The following L3MBTL3 variants were observed in gnomAD, a reference collection of about 807,000 sequenced individuals.
The protein encoded by L3MBTL3 is L3MBTL histone methyl-lysine binding protein 3.
Under a neutral mutation model 102.3 loss-of-function variants are expected in L3MBTL3, and 27 were observed. The ratio of observed to expected loss-of-function variants is 0.26; its 90% CI spans 0.19 to 0.36. The LOEUF is 0.36. Among genes scored for constraint, L3MBTL3 ranks in the 10% least tolerant of loss-of-function variants. The pLI is 1.00. For missense variants in L3MBTL3, 798 were observed against 955.3 expected, an observed-to-expected ratio of 0.84 and a Z score of 2.17; for synonymous variants, 340 against 320.9, an observed-to-expected ratio of 1.06 and a Z score of -0.64.
chr6:130,070,853 T>C (rs962980617), intron 12 of L3MBTL3, 123 bp from the exon 13 acceptor site: 3 of 494,616 alleles, frequency 6.1e-6, no homozygotes, highest in Non-Finnish European at 1.0e-5. Flanking sequence ...TGGCATATGA[T>C]TTTTAAATTA....
intron 13 of L3MBTL3, among the ~76,000 whole-genome samples, chr6:130,072,216 A>G (rs988535298): frequency 3.9e-5 from 6 of 152,160 alleles, no homozygotes; most frequent in African/African-American, 1.4e-4. Flanking sequence ...ACGTAGTATA[A>G]CTACGTAAAT....
At chr6:130,059,054 TTAGAG>T (rs139807140) in intron 9 of L3MBTL3, among the ~76,000 whole-genome samples, 12,232 of 152,096 alleles carry the variant, frequency 0.08, 1,000 homozygotes, top group East Asian at 0.44. Flanking sequence ...CTTTGGTCCT[TTAGAG>T]AAGAGACTTT....
rs761585609 is a variant in L3MBTL3, at chr6:130,051,374, T to C, written c.415T>C (p.Cys139Arg). The C allele has an allele frequency of 6.2e-7, 1 of 1,614,126 alleles. No individual in the cohort carries two copies. Among genetic ancestry groups the C allele is most frequent in the Non-Finnish European group, 8.5e-7 (1 of 1,179,956 alleles). ...VDECLSGGNY[C>R]SQNCARHIKD... ...TGAGTGTCTTTCTGGAGGAAACTAT[T>C]GCAGCCAGAATTGTGCTCGGCACAT... Residue 139 changes from cysteine to arginine, a missense_variant, in exon 6 of 23, where the codon TGC (cysteine) becomes CGC (arginine). Physicochemically the swap from Cys to Arg is radical, Grantham distance 180. Coordinates refer to ENST00000361794, the MANE Select transcript of L3MBTL3 (RefSeq NM_032438.4).
chr6:130,130,387 T>G (rs1281195532), intron 20 of L3MBTL3, among the ~76,000 whole-genome samples: 1 of 152,186 alleles, frequency 6.6e-6, no homozygotes, highest in African/African-American at 2.4e-5. Flanking sequence ...TTATATGGCA[T>G]GCACTCAGGA....
chr6:130,039,755 A>G (rs1432023946), intron 2 of L3MBTL3, among the ~76,000 whole-genome samples: 1 of 152,154 alleles, frequency 6.6e-6, no homozygotes. Flanking sequence ...AATCTCTTTA[A>G]TGTCTAATTT....
chr6:130,087,367 A>C (rs900726259), intron 16 of L3MBTL3, among the ~76,000 whole-genome samples: 4 of 152,190 alleles, frequency 2.6e-5, no homozygotes, highest in Admixed American at 2.6e-4. Flanking sequence ...GTCATAAAGC[A>C]ATCAGTATTT....
At chr6:130,122,674 TATC>T (rs1786313383) in intron 20 of L3MBTL3, among the ~76,000 whole-genome samples, 1 of 152,246 alleles carries the variant, frequency 6.6e-6, no homozygotes, top group Admixed American at 6.5e-5. Context: ...AAGGTTTTGT[TATC>T]AGGGCTATTT....
intron 20 of L3MBTL3, among the ~76,000 whole-genome samples, chr6:130,132,046 AC>A (rs1360883679): frequency 1.3e-5 from 2 of 152,346 alleles, no homozygotes; most frequent in South Asian, 2.1e-4. Flanking sequence ...AACGCCTCTG[AC>A]AAAATAATCT....
intron 19 of L3MBTL3, among the ~76,000 whole-genome samples, chr6:130,111,211 T>C (rs1351637086): frequency 6.6e-6 from 1 of 152,208 alleles, no homozygotes; most frequent in Non-Finnish European, 1.5e-5. Flanking sequence ...AGCTTAGTTG[T>C]CACGCTGGTT....
chr6:130,082,606 C>T (rs562239219), intron 14 of L3MBTL3, among the ~76,000 whole-genome samples: 3 of 152,216 alleles, frequency 2.0e-5, no homozygotes, highest in Admixed American at 2.0e-4. Context: ...TATTTTCTGG[C>T]ACAGCTAGGC....
At chr6:130,103,750 T>A (rs1784833465) in intron 18 of L3MBTL3, among the ~76,000 whole-genome samples, 1 of 152,166 alleles carries the variant, frequency 6.6e-6, no homozygotes, top group Middle Eastern at 3.2e-3. Flanking sequence ...TCAATTTCCT[T>A]TCAGGAATGA....
chr6:130,104,287 T>C (rs944495355), intron 18 of L3MBTL3, 139 bp from the exon 19 acceptor site: 9 of 523,344 alleles, frequency 1.7e-5, no homozygotes, highest in Non-Finnish European at 2.5e-5. Context: ...GTATGTATGA[T>C]TATAAAATAT....
chr6:130,032,477 A>T (rs1238143745), intron 2 of L3MBTL3, among the ~76,000 whole-genome samples: 1 of 150,072 alleles, frequency 6.7e-6, no homozygotes, highest in African/African-American at 2.4e-5. Context: ...TCACTGCCTA[A>T]TTTTTTTTTT....
intron 19 of L3MBTL3, among the ~76,000 whole-genome samples, chr6:130,113,606 C>T (rs1216041922): frequency 6.6e-6 from 1 of 152,198 alleles, no homozygotes; most frequent in Non-Finnish European, 1.5e-5. Context: ...GGCAAATGCC[C>T]ACTGCTTAAC....
chr6:130,060,245 T>TA, intron 10 of L3MBTL3, 105 bp downstream of exon 10: 1 of 653,644 alleles, frequency 1.5e-6, no homozygotes, highest in Non-Finnish European at 2.6e-6. Context: ...GCATGGTGCT[T>TA]ACTGTTTTGT....
chr6:130,101,199 T>C (rs1335166537), intron 18 of L3MBTL3, among the ~76,000 whole-genome samples: 2 of 152,106 alleles, frequency 1.3e-5, no homozygotes, highest in African/African-American at 4.8e-5. Flanking sequence ...GTTAATAAAT[T>C]TATTTTGTCA....
At chr6:130,075,445 G>A (rs1562289407) in intron 13 of L3MBTL3, among the ~76,000 whole-genome samples, 3 of 152,098 alleles carry the variant, frequency 2.0e-5, no homozygotes, top group Non-Finnish European at 4.4e-5. Flanking sequence ...GGTAATGGCA[G>A]CCAGTTTATT....
intron 19 of L3MBTL3, among the ~76,000 whole-genome samples, chr6:130,113,473 A>G (rs927300811): frequency 1.3e-5 from 2 of 152,244 alleles, no homozygotes; most frequent in African/African-American, 4.8e-5. Context: ...ATTAGGTACT[A>G]TCTCTATTAA....
At chr6:130,110,462 A>G (rs192924231) in intron 19 of L3MBTL3, among the ~76,000 whole-genome samples, 70 of 152,318 alleles carry the variant, frequency 4.6e-4, no homozygotes, top group Non-Finnish European at 9.0e-4. Context: ...AGCAATTGTG[A>G]ATGGGAGTTC....
Sources: gnomAD v4.1 joint callset for allele counts (sites outside exome capture counted in the v4.1 genomes callset) on GRCh38, gnomAD v4.1.1 for gene constraint, MANE v1.5 for transcripts, NCBI Gene and HGNC (gene_info 2026-07-23, HGNC 2026-07-21) for gene names.